The following VBP1 variants were observed in gnomAD, a reference collection of about 807,000 sequenced individuals.
The protein encoded by VBP1 is VHL binding protein 1, also known as prefoldin subunit 3.
A neutral mutation model predicts 15.5 loss-of-function variants in VBP1; 4 were observed. The ratio of observed to expected loss-of-function variants is 0.26; its 90% CI spans 0.13 to 0.59. VBP1 has a LOEUF of 0.59. VBP1 is among the 20% of genes least tolerant of loss of function. The pLI, the probability that VBP1 is intolerant of heterozygous loss-of-function variation, is 0.90. For synonymous variants in VBP1, 61 were observed against 52.1 expected (o/e 1.17, Z -0.74); for missense variants, 108 against 139.6 (o/e 0.77, Z 1.14).
intron 2 of VBP1, among the ~76,000 whole-genome samples, chrX:155,220,907 A>G (rs1234540485): frequency 8.9e-6 from 1 of 112,195 alleles, no homozygotes; most frequent in Non-Finnish European, 1.9e-5. Context: ...ACAAGGACAC[A>G]GGACTGGGCA....
intron 2 of VBP1, among the ~76,000 whole-genome samples, chrX:155,224,218 G>T (rs1340491105): frequency 8.9e-6 from 1 of 112,905 alleles, no homozygotes; most frequent in African/African-American, 3.2e-5. Flanking sequence ...GGCAGAGGCT[G>T]CAATCTCGGC....
At chrX:155,199,587 C>T (rs1361872195) in intron 1 of VBP1, among the ~76,000 whole-genome samples, 3 of 111,476 alleles carry the variant, frequency 2.7e-5, no homozygotes, top group Non-Finnish European at 3.8e-5. Context: ...CAGGCCTGCC[C>T]TAAAAGAGCT....
At position 155,236,288 on chromosome X, in the gene VBP1, A is replaced by G. The variant is rs782788266; in HGVS notation, c.444A>G (p.Leu148=). ...CTCAGGCATTGTTGGAAAAGAATTT[A>G]TCGACTGCCACAAAGAATCTTGATT... ...DEAQALLEKN[L]STATKNLDSL... Residue 148 remains leucine (L), a synonymous_variant, in exon 5 of 6, where the codon TTA becomes TTG. Transcript: ENST00000286428. 7.4e-6 allele frequency: 9 copies of G among 1,209,632 alleles called. No individual in the cohort carries two copies. In the African/African-American group the frequency reaches 1.2e-4, roughly 16 times the overall value.
At chrX:155,235,837 A>G (rs2074769838) in intron 4 of VBP1, among the ~76,000 whole-genome samples, 1 of 112,184 alleles carries the variant, frequency 8.9e-6, no homozygotes, top group African/African-American at 3.2e-5. Flanking sequence ...TGATTCTCCC[A>G]TTTACCCACT....
intron 1 of VBP1, among the ~76,000 whole-genome samples, chrX:155,199,367 G>T (rs1192502893): frequency 9.0e-6 from 1 of 111,056 alleles, no homozygotes; most frequent in African/African-American, 3.3e-5. Context: ...AGAAAGGTCG[G>T]GTTACCCTCA....
At chrX:155,201,238 G>T (rs1557307393) in intron 1 of VBP1, among the ~76,000 whole-genome samples, 1 of 110,259 alleles carries the variant, frequency 9.1e-6, no homozygotes, top group African/African-American at 3.3e-5. Flanking sequence ...GAAAAAGAAG[G>T]AATCCTCCCT....
upstream of VBP1, among the ~76,000 whole-genome samples, chrX:155,213,222 G>A (rs1056979860): frequency 1.8e-5 from 2 of 111,942 alleles, no homozygotes; most frequent in Non-Finnish European, 3.8e-5. Flanking sequence ...AGGTCGAGCA[G>A]AGGCTGTCTC....
At chrX:155,197,956 T>C (rs1030492377) in intron 1 of VBP1, among the ~76,000 whole-genome samples, 10 of 112,443 alleles carry the variant, frequency 8.9e-5, no homozygotes, top group African/African-American at 1.9e-4. Context: ...CAGGAGATTA[T>C]ATCCTGCACA....
chrX:155,201,768 A>G (rs1348058402), intron 1 of VBP1, among the ~76,000 whole-genome samples: 3 of 108,377 alleles, frequency 2.8e-5, no homozygotes, highest in Non-Finnish European at 5.7e-5. Context: ...AGGGCAATTA[A>G]GCAGGAGAAG....
At chrX:155,206,316 C>G (rs1197024636) in intron 1 of VBP1, among the ~76,000 whole-genome samples, 1 of 109,681 alleles carries the variant, frequency 9.1e-6, no homozygotes, top group Non-Finnish European at 1.9e-5. Context: ...TCACTGCAAG[C>G]TCCGCCCCTT....
intron 4 of VBP1, 36 bp from the exon 5 acceptor site, chrX:155,236,193 A>T: frequency 8.4e-7 from 1 of 1,194,558 alleles, no homozygotes; most frequent in South Asian, 1.8e-5. Context: ...AGCTCTGTGT[A>T]AATATTGAGT....
chrX:155,199,579 G>A (rs1222521009), intron 1 of VBP1, among the ~76,000 whole-genome samples: 2 of 111,450 alleles, frequency 1.8e-5, no homozygotes. Context: ...GTCACCACCA[G>A]GCCTGCCCTA....
intron 1 of VBP1, among the ~76,000 whole-genome samples, chrX:155,207,751 T>G (rs1557308183): frequency 1.8e-5 from 2 of 112,072 alleles, no homozygotes; most frequent in Non-Finnish European, 3.8e-5. Context: ...TTAACCTTCC[T>G]CTTATTCAGT....
At chrX:155,230,454 C>A (rs1378974778) in intron 4 of VBP1, among the ~76,000 whole-genome samples, 1 of 111,366 alleles carries the variant, frequency 9.0e-6, no homozygotes, top group Admixed American at 9.5e-5. Context: ...TTTGGGGACA[C>A]TGTTTAACCC....
At chrX:155,229,543 G>A (rs782345495) in intron 4 of VBP1, among the ~76,000 whole-genome samples, 13 of 111,780 alleles carry the variant, frequency 1.2e-4, no homozygotes, top group Non-Finnish European at 2.1e-4. Context: ...TCAGTTATTC[G>A]ATGTGTTTCA....
At chrX:155,216,328 C>T (rs782563548), upstream of VBP1, 7 of 1,081,435 alleles carry the variant, frequency 6.5e-6, no homozygotes, top group African/African-American at 9.4e-5. Context: ...GGGCTACTTT[C>T]GGCCAAAGGA....
intron 2 of VBP1, among the ~76,000 whole-genome samples, chrX:155,226,155 C>T (rs2074718809): frequency 8.9e-6 from 1 of 112,202 alleles, no homozygotes; most frequent in African/African-American, 3.2e-5. Flanking sequence ...TTACATTTGA[C>T]AGAGACCCTA....
intron 4 of VBP1, among the ~76,000 whole-genome samples, chrX:155,234,109 G>GTTTTTTTTTT (rs35367656): frequency 3.5e-5 from 1 of 28,678 alleles, no homozygotes; most frequent in African/African-American, 1.4e-4. Context: ...TTGTTCCTCT[G>GTTTTTTTTTT]TTTTTTTTTT....
At chrX:155,224,837 G>A (rs1458419943) in intron 2 of VBP1, among the ~76,000 whole-genome samples, 1 of 110,950 alleles carries the variant, frequency 9.0e-6, no homozygotes, top group Non-Finnish European at 1.9e-5. Context: ...TGGGATTCCT[G>A]TTTACAGATG....
Sources: gnomAD v4.1 joint callset for allele counts (sites outside exome capture counted in the v4.1 genomes callset) on GRCh38, gnomAD v4.1.1 for gene constraint, MANE v1.5 for transcripts, NCBI Gene and HGNC (gene_info 2026-07-23, HGNC 2026-07-21) for gene names.